The following MSANTD3 variants were observed in gnomAD, a reference collection of about 807,000 sequenced individuals.
MSANTD3 encodes the protein Myb/SANT DNA binding domain containing 3.
A neutral mutation model predicts 27.7 loss-of-function variants in MSANTD3; 11 were observed. The observed-to-expected ratio is 0.40, with a 90% CI of 0.25 to 0.66. MSANTD3 has a LOEUF of 0.66. Among genes scored for constraint, MSANTD3 ranks in the 30% least tolerant of loss-of-function variants. MSANTD3 has a pLI of 0.41. For missense variants in MSANTD3, 250 were observed against 336.5 expected, an observed-to-expected ratio of 0.74 and a Z score of 2.01; for synonymous variants, 131 against 127.2, an observed-to-expected ratio of 1.03 and a Z score of -0.20.
At chr9:100,447,122 A>G (rs1836774103) in intron 2 of MSANTD3, among the ~76,000 whole-genome samples, 1 of 151,970 alleles carries the variant, frequency 6.6e-6, no homozygotes, top group South Asian at 2.1e-4. Context: ...CTTTTTGCAT[A>G]AGATTGAGTT....
At chr9:100,442,737 A>G (rs1025134282) in intron 2 of MSANTD3, among the ~76,000 whole-genome samples, 12 of 144,870 alleles carry the variant, frequency 8.3e-5, no homozygotes, top group African/African-American at 3.1e-4. Context: ...TGAGCCCAGG[A>G]GGTGGAAGCT....
chr9:100,435,651 GGCCATCTTGCTGTGT>G (rs1176421924), intron 1 of MSANTD3, among the ~76,000 whole-genome samples: 2 of 152,154 alleles, frequency 1.3e-5, no homozygotes, highest in Non-Finnish European at 2.9e-5. Flanking sequence ...TGTAGGTGGT[GGCCATCTTGCTGTGT>G]GCCATCTTGC....
chr9:100,445,196 T>G lies in MSANTD3; in HGVS notation c.418+2840T>G, dbSNP rs376910242. ...TTCTTTCAAGAAAGAAAAAGAAGCC[T>G]GGAATTGTCAATCATCCTTTCTGGG... is the stretch of plus-strand genomic sequence containing the variant. On this transcript the variant is annotated intron_variant, in intron 2 of 2. Transcript: ENST00000395067. 1.9e-5 allele frequency: 31 copies of G among 1,609,864 alleles called. No homozygotes were observed. The African/African-American group carries it at 4.0e-4, about 21-fold the overall frequency.
At chr9:100,433,211 C>A (rs1836410075) in intron 1 of MSANTD3, among the ~76,000 whole-genome samples, 1 of 152,162 alleles carries the variant, frequency 6.6e-6, no homozygotes, top group Non-Finnish European at 1.5e-5. Context: ...TTGCTCTGAG[C>A]CTCAGTTTCC....
chr9:100,444,748 T>A (rs11788918), intron 2 of MSANTD3: 3,996 of 157,984 alleles, frequency 0.025, 67 homozygotes, highest in Middle Eastern at 0.036. Context: ...TGGGGTGGGA[T>A]CTAGGGAAGT....
At position 100,442,316 on chromosome 9, in the gene MSANTD3, G is replaced by T; in HGVS notation, c.378G>T (p.Pro126=). The change falls in exon 2 of 3, where the codon CCG becomes CCT. Residue 126 remains proline (P), a synonymous_variant. Transcript: ENST00000395067. Reference sequence around the variant, plus strand: ...AGCTCTACTTCCTGCAGAGCCCCCCGGAGGAGGAGCCCGAATACCACCCCG... The same window carrying T: ...AGCTCTACTTCCTGCAGAGCCCCCCTGAGGAGGAGCCCGAATACCACCCCG... ...PEQLYFLQSP[P]EEEPEYHPDA... 1 of 1,613,758 alleles carries T rather than the reference G, an allele frequency of 6.2e-7. No homozygotes were observed. The highest frequency in any genetic ancestry group is 8.5e-7 in the Non-Finnish European group (1 of 1,179,990).
At chr9:100,441,408 C>A (rs1194689524) in intron 1 of MSANTD3, among the ~76,000 whole-genome samples, 1 of 151,262 alleles carries the variant, frequency 6.6e-6, no homozygotes, top group East Asian at 2.0e-4. Flanking sequence ...CCGAGGCAGG[C>A]AGATCACTTG....
At chr9:100,434,013 T>C (rs1345694074) in intron 1 of MSANTD3, among the ~76,000 whole-genome samples, 1 of 152,208 alleles carries the variant, frequency 6.6e-6, no homozygotes, top group African/African-American at 2.4e-5. Flanking sequence ...CACTGTCTCG[T>C]CACCAGCCTA....
chr9:100,427,266 C>T lies in MSANTD3; in HGVS notation c.-161C>T, dbSNP rs1836265263. 1 of 145,580 alleles carries T rather than the reference C, an allele frequency of 6.9e-6. No individual in the cohort carries two copies. Among genetic ancestry groups the T allele is most frequent in the African/African-American group, 2.5e-5 (1 of 40,678 alleles). 9.0% of individuals were successfully genotyped at this position (145,580 alleles called of 1,614,324 possible). ...GCCGGGGGCGCGCCGCCGCCGCCGCCGCCGCCCGGCGTTCGGGAGCCCGCG... is the reference window on the plus strand; with the variant it reads ...GCCGGGGGCGCGCCGCCGCCGCCGCTGCCGCCCGGCGTTCGGGAGCCCGCG... On this transcript the variant is annotated 5_prime_UTR_variant, in exon 1 of 3. Transcript: ENST00000395067.
intron 1 of MSANTD3, 75 bp from the exon 2 acceptor site, chr9:100,441,831 G>A (rs1836630295): frequency 2.1e-6 from 3 of 1,446,336 alleles, no homozygotes; most frequent in Non-Finnish European, 2.8e-6. Context: ...ATCAAGTCAG[G>A]AATTAAGCTT....
chr9:100,427,426 C>G (rs1836269731), intron 1 of MSANTD3, 33 bp downstream of exon 1: 1 of 148,424 alleles, frequency 6.7e-6, no homozygotes, highest in Non-Finnish European at 1.5e-5. Context: ...GGGCCGCAGC[C>G]GGGCGGGGGC....
chr9:100,439,719 CTG>C (rs1198417918), intron 1 of MSANTD3, among the ~76,000 whole-genome samples: 2 of 150,506 alleles, frequency 1.3e-5, no homozygotes, highest in Non-Finnish European at 3.0e-5. Flanking sequence ...CGGGGTTTCA[CTG>C]TGTTAGCCAG....
chr9:100,429,920 C>G (rs967102845), intron 1 of MSANTD3, among the ~76,000 whole-genome samples: 6 of 151,984 alleles, frequency 3.9e-5, no homozygotes, highest in Non-Finnish European at 7.4e-5. Flanking sequence ...CCAGGCTGGT[C>G]TCAAACTCCT....
At chr9:100,430,324 C>CAA (rs35854801) in intron 1 of MSANTD3, among the ~76,000 whole-genome samples, 1,952 of 95,990 alleles carry the variant, frequency 0.02, 47 homozygotes, top group African/African-American at 0.064. Context: ...GACTCTGTGT[C>CAA]AAAAAAAAAA....
chr9:100,441,799 G>A (rs1564249748), intron 1 of MSANTD3, 107 bp from the exon 2 acceptor site: 1 of 1,230,722 alleles, frequency 8.1e-7, no homozygotes, highest in East Asian at 2.5e-5. Context: ...GGAAAAGAAA[G>A]TACTGTATTT....
chr9:100,437,027 A>T (rs149586818), intron 1 of MSANTD3, among the ~76,000 whole-genome samples: 106 of 151,706 alleles, frequency 7.0e-4, no homozygotes, highest in African/African-American at 2.5e-3. Context: ...CTGGTCTTGA[A>T]CTCCTGACCT....
chr9:100,449,825 G>A (rs1836843158), intron 2 of MSANTD3, among the ~76,000 whole-genome samples: 1 of 152,172 alleles, frequency 6.6e-6, no homozygotes, highest in Non-Finnish European at 1.5e-5. Flanking sequence ...GAAGACTTGA[G>A]AAGGAGCAAT....
chr9:100,448,171 A>G (rs553227482), intron 2 of MSANTD3: 1 of 956,256 alleles, frequency 1.0e-6, no homozygotes, highest in Non-Finnish European at 1.2e-6. Context: ...AGCCTGGGTG[A>G]CAGAATGAGA....
At chr9:100,434,878 C>CCT (rs2118191822) in intron 1 of MSANTD3, among the ~76,000 whole-genome samples, 1 of 152,226 alleles carries the variant, frequency 6.6e-6, no homozygotes, top group East Asian at 1.9e-4. Flanking sequence ...TAGAACAGTG[C>CCT]TGAGCCTTTG....
Sources: allele counts gnomAD v4.1 joint callset (sites outside exome capture counted in the v4.1 genomes callset), GRCh38; gene constraint gnomAD v4.1.1; transcripts MANE v1.5; gene names NCBI Gene and HGNC (gene_info 2026-07-23, HGNC 2026-07-21).